OPCML: variants seen among roughly 807,000 people sequenced by gnomAD.
OPCML encodes opioid binding protein/cell adhesion molecule like, also known as opioid-binding protein/cell adhesion molecule.
A neutral mutation model predicts 37.8 loss-of-function variants in OPCML; 13 were observed. The ratio of observed to expected loss-of-function variants is 0.34; its 90% CI spans 0.22 to 0.55. The LOEUF is 0.55. Ranked by LOEUF, OPCML falls within the 20% of genes least tolerant of loss-of-function variation. The pLI, the probability that OPCML is intolerant of heterozygous loss-of-function variation, is 0.91. For missense variants in OPCML, 341 were observed against 435.6 expected, an observed-to-expected ratio of 0.78 and a Z score of 1.93; for synonymous variants, 176 against 168.8, an observed-to-expected ratio of 1.04 and a Z score of -0.33.
intron 1 of OPCML, among the ~76,000 whole-genome samples, chr11:133,180,992 C>T (rs1164995751): frequency 6.6e-6 from 1 of 152,088 alleles, no homozygotes; most frequent in African/African-American, 2.4e-5. Flanking sequence ...AGGTGAGTGG[C>T]TGAATAACAA....
intron 1 of OPCML, among the ~76,000 whole-genome samples, chr11:133,449,975 A>G (rs1480622241): frequency 6.6e-6 from 1 of 151,716 alleles, no homozygotes; most frequent in Admixed American, 6.5e-5. Flanking sequence ...AAGGCTGTTT[A>G]TGGGGAAATC....
intron 1 of OPCML, among the ~76,000 whole-genome samples, chr11:133,295,398 G>C (rs1942604873): frequency 6.6e-6 from 1 of 152,150 alleles, no homozygotes; most frequent in Non-Finnish European, 1.5e-5. Flanking sequence ...GGCATTCCAG[G>C]CTTTACACCG....
At chr11:132,517,075 A>T (rs1445126205) in intron 4 of OPCML, among the ~76,000 whole-genome samples, 1 of 152,160 alleles carries the variant, frequency 6.6e-6, no homozygotes, top group Non-Finnish European at 1.5e-5. Context: ...ACCTTGTGGT[A>T]CCATGTACGT....
intron 1 of OPCML, among the ~76,000 whole-genome samples, chr11:132,954,817 A>G (rs562861267): frequency 1.3e-5 from 2 of 152,310 alleles, no homozygotes; most frequent in East Asian, 3.9e-4. Context: ...ACATGGGGTA[A>G]GATGAAAAAG....
intron 4 of OPCML, among the ~76,000 whole-genome samples, chr11:132,518,912 G>A (rs1450332071): frequency 1.3e-5 from 2 of 152,260 alleles, no homozygotes; most frequent in East Asian, 1.9e-4. Flanking sequence ...TACAACAGAC[G>A]GTAGGCAGGA....
rs568659264 is a variant in OPCML, at chr11:133,353,790, T to G, written c.61+178474A>C. ...CATGGGGATGTAAGCTTTTGGACGA[T>G]GTAGATAAAACAAAATCAGAGGCTT... is the stretch of plus-strand genomic sequence containing the variant. On this transcript the variant is annotated intron_variant, in intron 1 of 7. Transcript: ENST00000524381. 3.2e-4 allele frequency among the ~76,000 whole-genome samples: 49 copies of G among 152,324 alleles called. No homozygotes were observed. The South Asian group carries it at 9.7e-3, about 30-fold the overall frequency.
At chr11:132,792,850 G>A (rs964164123) in intron 2 of OPCML, among the ~76,000 whole-genome samples, 2 of 152,078 alleles carry the variant, frequency 1.3e-5, no homozygotes, top group African/African-American at 4.8e-5. Flanking sequence ...TTCATTATTC[G>A]CCGGGCCCGG....
At chr11:132,699,882 C>T (rs78704602) in intron 2 of OPCML, among the ~76,000 whole-genome samples, 1,736 of 151,992 alleles carry the variant, frequency 0.011, 25 homozygotes, top group African/African-American at 0.039. Context: ...GGAATTATTC[C>T]CTTCTTTTAA....
Position 132,843,092 on chromosome 11 carries a change from C to CTTTTT in OPCML, c.146+99829_146+99833dup, listed in dbSNP as rs56036372. 1.3e-4 allele frequency among the ~76,000 whole-genome samples: 16 copies of CTTTTT among 123,308 alleles called. 1 individual carries two copies. Among genetic ancestry groups the CTTTTT allele is most frequent in the African/African-American group, 4.1e-4 (13 of 31,882 alleles). 80.9% of individuals were successfully genotyped at this position (123,308 alleles called of 152,430 possible). On this transcript the variant is annotated intron_variant, in intron 2 of 7. Coordinates refer to ENST00000524381, the MANE Select transcript of OPCML (RefSeq NM_001012393.5). ...TTTAAAGTGTGGTTCCTTTTTCTTT[C>CTTTTT]TTTTTTTTTTTTTTTGAGATGGAAT...
chr11:133,025,381 A>G (rs1284094622), intron 1 of OPCML: 1 of 985,090 alleles, frequency 1.0e-6, no homozygotes, highest in Admixed American at 6.1e-5. Context: ...ATGGCTTGAA[A>G]CCAGTACTAG....
chr11:133,179,504 C>T (rs1937721137), intron 1 of OPCML, among the ~76,000 whole-genome samples: 1 of 152,124 alleles, frequency 6.6e-6, no homozygotes, highest in Non-Finnish European at 1.5e-5. Context: ...AGCGGGGCCC[C>T]CTGAGGCCAG....
Position 133,229,183 on chromosome 11 carries a change from G to A in OPCML, c.62-286173C>T, listed in dbSNP as rs899820941. Among the ~76,000 whole-genome samples, 9 of 152,160 alleles carry A rather than the reference G, an allele frequency of 5.9e-5. 1 individual carries two copies. The highest frequency in any genetic ancestry group is 1.0e-4 in the Non-Finnish European group (7 of 68,022). On this transcript the variant is annotated intron_variant, in intron 1 of 7. Transcript: ENST00000524381. ...AAAAGCTGCTGTTACCAGGTTGCCCGGGGCAAGGACAGGATGCTCAGCATT... is the reference window on the plus strand; with the variant it reads ...AAAAGCTGCTGTTACCAGGTTGCCCAGGGCAAGGACAGGATGCTCAGCATT...
chr11:132,947,339 A>G (rs1945766585), intron 1 of OPCML, among the ~76,000 whole-genome samples: 1 of 152,242 alleles, frequency 6.6e-6, no homozygotes, highest in Non-Finnish European at 1.5e-5. Context: ...TTGCAAAGAA[A>G]TAAACCAAGT....
Position 132,842,586 on chromosome 11 carries a change from T to C in OPCML, c.146+100340A>G, listed in dbSNP as rs147476334. On this transcript the variant is annotated intron_variant, in intron 2 of 7. Transcript: ENST00000524381. ...ATTTAAGAAACTTGGAACTGAGTGT[T>C]GGATAGTTCAGCAATTTAATGTTTG... 3.2e-3 allele frequency among the ~76,000 whole-genome samples: 483 copies of C among 152,328 alleles called. 2 individuals carry two copies. The highest frequency in any genetic ancestry group is 0.011 in the African/African-American group (465 of 41,574).
intron 2 of OPCML, among the ~76,000 whole-genome samples, chr11:132,939,686 T>C (rs1023632660): frequency 6.6e-6 from 1 of 152,192 alleles, no homozygotes; most frequent in Non-Finnish European, 1.5e-5. Context: ...CAACTGGCCA[T>C]CATCCATTCT....
chr11:132,618,006 C>T (rs923830479), intron 3 of OPCML, among the ~76,000 whole-genome samples: 1 of 152,188 alleles, frequency 6.6e-6, no homozygotes, highest in African/African-American at 2.4e-5. Flanking sequence ...CGCAGTGTTA[C>T]AGTGGCTTAA....
intron 1 of OPCML, among the ~76,000 whole-genome samples, chr11:133,107,173 T>C (rs953954445): frequency 6.6e-6 from 1 of 152,222 alleles, no homozygotes; most frequent in African/African-American, 2.4e-5. Flanking sequence ...TGGGCCCTTC[T>C]GTAGTGTCAG....
At chr11:133,296,443 C>A (rs776741484) in intron 1 of OPCML, among the ~76,000 whole-genome samples, 1 of 152,138 alleles carries the variant, frequency 6.6e-6, no homozygotes, top group Non-Finnish European at 1.5e-5. Context: ...GCCCGCTCAA[C>A]AATTACATTA....
At position 133,206,260 on chromosome 11, in the gene OPCML, C is replaced by T. The variant is rs1939057972; in HGVS notation, c.62-263250G>A. Among the ~76,000 whole-genome samples the T allele has an allele frequency of 1.3e-5, 2 of 152,222 alleles. No individual in the cohort carries two copies. Among genetic ancestry groups the T allele is most frequent in the Admixed American group, 6.5e-5 (1 of 15,294 alleles). On this transcript the variant is annotated intron_variant, in intron 1 of 7. Transcript: ENST00000524381. The surrounding 1 kb of genome is among the most constrained non-coding windows in gnomAD (Gnocchi z 4.7). The stretch of plus-strand genomic sequence containing the variant: ...AAGATCAGCAGTACATTAAGATCAG[C>T]GTGATTAAAGACAGTGAGCAGAACT...
Sources: gnomAD v4.1 joint callset for allele counts (sites outside exome capture counted in the v4.1 genomes callset) on GRCh38, gnomAD v4.1.1 for gene constraint, Gnocchi (gnomAD v3.1) non-coding constraint, MANE v1.5 for transcripts, NCBI Gene and HGNC (gene_info 2026-07-23, HGNC 2026-07-21) for gene names.